POP1: variants seen among roughly 807,000 people sequenced by gnomAD.
The protein encoded by POP1 is ribonucleases P/MRP protein subunit POP1.
A neutral mutation model predicts 102.2 loss-of-function variants in POP1; 75 were observed. The observed-to-expected ratio is 0.73, with a 90% CI of 0.61 to 0.89. The LOEUF (loss-of-function observed/expected upper bound fraction) is 0.89. Among genes scored for constraint, POP1 ranks in the 40% least tolerant of loss-of-function variants. POP1 has a pLI of 0.00. For synonymous variants in POP1, 436 were observed against 464.1 expected (o/e 0.94, Z 0.78); for missense variants, 1,116 against 1,267.4 (o/e 0.88, Z 1.81).
At chr8:98,144,324 C>T (rs554641846) in intron 11 of POP1, among the ~76,000 whole-genome samples, 3 of 151,942 alleles carry the variant, frequency 2.0e-5, no homozygotes, top group South Asian at 4.2e-4. Context: ...TGCCCAGACC[C>T]GAGTGCAGTG....
Position 98,150,565 on chromosome 8 carries a change from C to T in POP1, c.1983C>T (p.Gly661=), listed in dbSNP as rs770474776. 26 of 1,614,130 alleles carry T rather than the reference C, an allele frequency of 1.6e-5. No homozygotes were observed. The highest frequency in any genetic ancestry group is 4.4e-5 in the South Asian group (4 of 91,082). The change falls in exon 14 of 16, where the codon GGC becomes GGT. Residue 661 remains glycine, a synonymous_variant. Transcript: ENST00000401707. The part of the protein sequence containing the change: ...SQYKRSPNVP[G]DFPDCPAGML... ...ATAAGAGGTCGCCTAATGTCCCAGG[C>T]GATTTTCCAGACTGCCCTGCCGGGA...
chr8:98,148,788 G>C (rs1809433848), intron 12 of POP1, 27 bp from the exon 13 acceptor site: 2 of 1,595,802 alleles, frequency 1.3e-6, no homozygotes, highest in African/African-American at 1.3e-5. Context: ...AGGGCTATTT[G>C]TCTTGAATTA....
chr8:98,151,529 A>T (rs1473872204), intron 14 of POP1, among the ~76,000 whole-genome samples: 1 of 152,160 alleles, frequency 6.6e-6, no homozygotes, highest in Admixed American at 6.5e-5. Context: ...AGGCTCCCGG[A>T]AGCACAGAAG....
intron 2 of POP1, 143 bp from the exon 3 acceptor site, chr8:98,127,452 T>G (rs1816240545): frequency 1.0e-6 from 1 of 972,928 alleles, no homozygotes; most frequent in Non-Finnish European, 1.6e-6. Flanking sequence ...GATTCCTCTT[T>G]AAAAATAAGT....
intron 14 of POP1, 124 bp from the exon 15 acceptor site, chr8:98,155,926 T>G (rs1041617203): frequency 3.0e-5 from 20 of 676,264 alleles, no homozygotes; most frequent in Admixed American, 1.1e-4. Context: ...TGTGTGTGTG[T>G]GTGTGTGTGT....
At chr8:98,127,837 C>A in intron 3 of POP1, 75 bp downstream of exon 3, 1 of 1,495,872 alleles carries the variant, frequency 6.7e-7, no homozygotes, top group Non-Finnish European at 9.3e-7. Flanking sequence ...AACTGCCCTC[C>A]TTGTGGTCCT....
At position 98,140,767 on chromosome 8, in the gene POP1, A is replaced by AG; in HGVS notation, c.1475dup. 3.1e-6 allele frequency: 5 copies of AG among 1,613,672 alleles called. No individual in the cohort carries two copies. Among genetic ancestry groups the AG allele is most frequent in the Non-Finnish European group, 4.2e-6 (5 of 1,179,592 alleles). On this transcript the variant is annotated splice_acceptor_variant, in intron 10 of 15. Coordinates refer to ENST00000401707, the MANE Select transcript of POP1 (RefSeq NM_001145860.2). LOFTEE classifies it high-confidence loss of function. Reference sequence around the variant, plus strand: ...GTAAACTTCTTTTTGTTGTTGTTAAAGGAATAACATCACCAGCAGAAATTC... The same window carrying AG: ...GTAAACTTCTTTTTGTTGTTGTTAAAGGGAATAACATCACCAGCAGAAATTC...
In POP1 at chr8:98,156,338, G is replaced by T. The variant is rs772524120; in HGVS notation, c.2346G>T (p.Gly782=). Residue 782 remains glycine, a synonymous_variant, in exon 15 of 16, where the codon GGG becomes GGT. Transcript: ENST00000401707. ...ATGCAGGGTGTCAAGAATCGGCAGG[G>T]CCTGAGAGGATCACAGACCAGGAGG... ...VMDAGCQESA[G]PERITDQEAS... The T allele has an allele frequency of 6.2e-7, 1 of 1,614,056 alleles. No individual in the cohort carries two copies. Among genetic ancestry groups the T allele is most frequent in the South Asian group, 1.1e-5 (1 of 91,072 alleles).
intron 5 of POP1, among the ~76,000 whole-genome samples, chr8:98,130,868 C>A (rs1032111196): frequency 6.6e-6 from 1 of 152,162 alleles, no homozygotes; most frequent in African/African-American, 2.4e-5. Flanking sequence ...TTTGAGAGGA[C>A]AGATTATGTT....
intron 9 of POP1, among the ~76,000 whole-genome samples, chr8:98,137,984 G>A (rs1475784724): frequency 6.6e-6 from 1 of 152,156 alleles, no homozygotes; most frequent in African/African-American, 2.4e-5. Context: ...CAGATTCTGA[G>A]TTTTTAGAAG....
At chr8:98,131,203 C>A (rs1259761336) in intron 5 of POP1, among the ~76,000 whole-genome samples, 2 of 152,244 alleles carry the variant, frequency 1.3e-5, no homozygotes. Flanking sequence ...GTACCACCAT[C>A]CATCTCCAGA....
intron 13 of POP1, among the ~76,000 whole-genome samples, chr8:98,149,326 T>G (rs1226442571): frequency 6.6e-6 from 1 of 152,236 alleles, no homozygotes; most frequent in Non-Finnish European, 1.5e-5. Context: ...AGCAAAGGAC[T>G]TAACTTTTAC....
intron 14 of POP1, among the ~76,000 whole-genome samples, chr8:98,154,731 G>A (rs1233035445): frequency 2.0e-5 from 3 of 152,128 alleles, no homozygotes; most frequent in Non-Finnish European, 4.4e-5. Context: ...AGGAACAAAA[G>A]CTTAAAGACA....
At chr8:98,131,563 T>C (rs1193299674) in intron 5 of POP1, among the ~76,000 whole-genome samples, 1 of 152,242 alleles carries the variant, frequency 6.6e-6, no homozygotes, top group South Asian at 2.1e-4. Context: ...GCTGTGAACA[T>C]GGATATGCAA....
At chr8:98,138,787 T>G (rs1816621736) in intron 9 of POP1, among the ~76,000 whole-genome samples, 1 of 151,884 alleles carries the variant, frequency 6.6e-6, no homozygotes, top group South Asian at 2.1e-4. Flanking sequence ...GCCTGTACTG[T>G]AAACCACTAA....
intron 7 of POP1, 110 bp from the exon 8 acceptor site, chr8:98,136,359 AGCCACCGTGCCTG>A: frequency 9.6e-7 from 1 of 1,037,752 alleles, no homozygotes; most frequent in Admixed American, 2.7e-5. Context: ...TACAGGTATG[AGCCACCGTGCCTG>A]GCCAAAAATG....
At chr8:98,117,524 C>G (rs1414844122) in intron 1 of POP1, 134 bp downstream of exon 1, 2 of 196,012 alleles carry the variant, frequency 1.0e-5, no homozygotes, top group African/African-American at 4.7e-5. Context: ...TCCTTGCTGC[C>G]TGTGCCCGGG....
At chr8:98,126,606 T>G (rs1816214372) in intron 2 of POP1, among the ~76,000 whole-genome samples, 1 of 152,164 alleles carries the variant, frequency 6.6e-6, no homozygotes. Context: ...TGTAAGAAAG[T>G]GATTGCTTAT....
chr8:98,143,708 A>T (rs1188327291), intron 11 of POP1, among the ~76,000 whole-genome samples: 1 of 152,116 alleles, frequency 6.6e-6, no homozygotes, highest in Non-Finnish European at 1.5e-5. Context: ...TGCTCTGCCT[A>T]TTCATCCCTC....
Sources: gnomAD v4.1 joint callset for allele counts (sites outside exome capture counted in the v4.1 genomes callset) on GRCh38, gnomAD v4.1.1 for gene constraint, MANE v1.5 for transcripts, NCBI Gene and HGNC (gene_info 2026-07-23, HGNC 2026-07-21) for gene names.